RAPGEF2: variants seen among roughly 807,000 people sequenced by gnomAD.
RAPGEF2 encodes the protein PDZ domain containing guanine nucleotide exchange factor (GEF) 1.
Under a neutral mutation model 186.7 loss-of-function variants are expected in RAPGEF2, and 54 were observed. The observed-to-expected ratio is 0.29, with a 90% CI of 0.23 to 0.36. The LOEUF is 0.36. RAPGEF2 is among the 10% of genes least tolerant of loss of function. RAPGEF2 has a pLI of 1.00. For missense variants in RAPGEF2, 1,532 were observed against 2,045.0 expected, an observed-to-expected ratio of 0.75 and a Z score of 4.84; for synonymous variants, 712 against 705.9, an observed-to-expected ratio of 1.01 and a Z score of -0.14.
intron 1 of RAPGEF2, among the ~76,000 whole-genome samples, chr4:159,163,949 A>C (rs185010554): frequency 6.6e-6 from 1 of 152,356 alleles, no homozygotes; most frequent in Admixed American, 6.5e-5. Context: ...AGGTTTCATA[A>C]AATATGACTT....
In RAPGEF2 at chr4:159,353,472, CT is replaced by C. The variant is rs1420585162; in HGVS notation, c.4092-11del. 1 of 1,380,674 alleles carries C rather than the reference CT, an allele frequency of 7.2e-7. No individual in the cohort carries two copies. Among genetic ancestry groups the C allele is most frequent in the Non-Finnish European group, 9.4e-7 (1 of 1,059,440 alleles). 85.5% of individuals were successfully genotyped at this position (1,380,674 alleles called of 1,614,324 possible). ...CTTGTTTTTTTTTTCTTTTCCATTT[CT>C]TTTAACCACTTAGGTCCTATGCACC... is the stretch of plus-strand genomic sequence containing the variant. On this transcript the variant is annotated splice_polypyrimidine_tract_variant and intron_variant, in intron 27 of 29. Coordinates refer to ENST00000691494, the MANE Select transcript of RAPGEF2 (RefSeq NM_001394067.2). This position sits in a 1 kb window ranked among gnomAD's most constrained non-coding sequence, Gnocchi z 4.3.
intron 7 of RAPGEF2, chr4:159,267,883 G>T: frequency 8.9e-7 from 1 of 1,122,774 alleles, no homozygotes; most frequent in African/African-American, 1.6e-5. Flanking sequence ...AGAGCTGTGT[G>T]AGGTTTTCTC....
At chr4:159,304,127 G>C (rs1252139357) in intron 7 of RAPGEF2, among the ~76,000 whole-genome samples, 1 of 152,054 alleles carries the variant, frequency 6.6e-6, no homozygotes, top group Non-Finnish European at 1.5e-5. Flanking sequence ...ATTGAATTTA[G>C]TGTTATTTAA....
rs6839800 is a variant in RAPGEF2 at position 159,348,872 on chromosome 4, A to G, written c.3713-1265A>G. ...ACATACACATTTAAAGTCACAGTAT[A>G]TAAAATACTAATTTAGAGACACTAC... On this transcript the variant is annotated intron_variant, in intron 25 of 29. Transcript: ENST00000691494. Among the ~76,000 whole-genome samples, 607 of 152,346 alleles carry G rather than the reference A, an allele frequency of 4.0e-3. 5 individuals are homozygous for G. The highest frequency in any genetic ancestry group is 0.014 in the African/African-American group (577 of 41,580).
chr4:159,338,319 G>C lies in RAPGEF2; in HGVS notation c.2144G>C (p.Gly715Ala). The C allele has an allele frequency of 6.2e-7, 1 of 1,611,032 alleles. No individual in the cohort carries two copies. Among genetic ancestry groups the C allele is most frequent in the Non-Finnish European group, 8.5e-7 (1 of 1,178,504 alleles). ...TTTTCCTCTTTGTTCAGTGATATTG[G>C]GATTGGTCAGTCTCAAGATGACAGC... Reference protein sequence around the residue: ...ILPQKPYNDIGIGQSQDDSIV... With the variant: ...ILPQKPYNDIAIGQSQDDSIV... Residue 715 changes from glycine to alanine, a missense_variant, in exon 18 of 30, where the codon GGG becomes GCG. Gly to Ala is a moderately conservative substitution (Grantham distance 60). This residue lies in a region of RAPGEF2 where 810 missense variants were observed against 1,210.5 expected (regional missense o/e 0.67). Coordinates refer to ENST00000691494, the MANE Select transcript of RAPGEF2 (RefSeq NM_001394067.2).
intron 1 of RAPGEF2, among the ~76,000 whole-genome samples, chr4:159,134,637 A>C (rs1021938893): frequency 6.6e-6 from 1 of 152,226 alleles, no homozygotes; most frequent in African/African-American, 2.4e-5. Flanking sequence ...GTCAGCACTT[A>C]CACGTGTCAG....
At chr4:159,345,032 G>A in intron 23 of RAPGEF2, 74 bp from the exon 24 acceptor site, 1 of 1,264,208 alleles carries the variant, frequency 7.9e-7, no homozygotes, top group Non-Finnish European at 1.1e-6. Flanking sequence ...ATTAATATCA[G>A]TCTTGGCACA....
At position 159,343,017 on chromosome 4, in the gene RAPGEF2, C is replaced by T. The variant is rs1729775670; in HGVS notation, c.2957C>T (p.Thr986Ile). The change falls in exon 21 of 30, where the codon ACC (threonine) becomes ATC (isoleucine). Residue 986 changes from threonine to isoleucine, a missense_variant. By Grantham distance (89) the Thr-to-Ile change is moderately conservative (BLOSUM62 -1). Around this residue, in one of 4 missense-constraint regions of RAPGEF2, gnomAD observed 810 missense variants for 1,210.5 expected, o/e 0.67. Coordinates refer to ENST00000691494, the MANE Select transcript of RAPGEF2 (RefSeq NM_001394067.2). ...NLAPVARLRT[T>I]WEKLPNKYEK... The stretch of plus-strand genomic sequence containing the variant: ...GCACCAGTGGCAAGACTGCGAACGA[C>T]CTGGGAGAAACTTCCCAATAAATAC... The T allele has an allele frequency of 6.2e-7, 1 of 1,613,918 alleles. No homozygotes were observed. Among genetic ancestry groups the T allele is most frequent in the Non-Finnish European group, 8.5e-7 (1 of 1,179,958 alleles).
intron 3 of RAPGEF2, among the ~76,000 whole-genome samples, chr4:159,202,443 A>G (rs1749536747): frequency 6.6e-6 from 1 of 152,136 alleles, no homozygotes; most frequent in Non-Finnish European, 1.5e-5. Flanking sequence ...AAAACCCCCC[A>G]AAACTTAGAT....
At chr4:159,161,194 C>A (rs1744671297) in intron 1 of RAPGEF2, among the ~76,000 whole-genome samples, 1 of 152,062 alleles carries the variant, frequency 6.6e-6, no homozygotes, top group African/African-American at 2.4e-5. Context: ...AATTTGTTTT[C>A]AGAAATTAAA....
intron 4 of RAPGEF2, 25 bp downstream of exon 4, chr4:159,210,608 G>A (rs942119036): frequency 2.1e-6 from 3 of 1,446,674 alleles, no homozygotes; most frequent in Non-Finnish European, 2.8e-6. Context: ...TTCTGTAATA[G>A]ATTATCCATG....
intron 7 of RAPGEF2, chr4:159,267,002 ATGAG>A: frequency 3.2e-6 from 1 of 311,264 alleles, no homozygotes; most frequent in South Asian, 3.3e-5. Context: ...TGCTACCTTA[ATGAG>A]TGAAATGGTT....
chr4:159,247,751 GTTTCT>G (rs1754805419), intron 7 of RAPGEF2, among the ~76,000 whole-genome samples: 7 of 105,738 alleles, frequency 6.6e-5, no homozygotes, highest in African/African-American at 2.7e-4. Context: ...GAAATAATTT[GTTTCT>G]TTTTTTTTTT....
intron 1 of RAPGEF2, among the ~76,000 whole-genome samples, chr4:159,111,892 A>G (rs965660278): frequency 5.3e-5 from 8 of 152,204 alleles, no homozygotes; most frequent in African/African-American, 1.9e-4. Flanking sequence ...CTGTAGTGTA[A>G]TATCACAATC....
At chr4:159,262,557 G>A (rs1198307293) in intron 7 of RAPGEF2, among the ~76,000 whole-genome samples, 2 of 152,188 alleles carry the variant, frequency 1.3e-5, no homozygotes, top group Non-Finnish European at 2.9e-5. Context: ...AGTAAGCTTT[G>A]TTAAATCTGC....
At chr4:159,128,435 T>G (rs1298614578) in intron 1 of RAPGEF2, among the ~76,000 whole-genome samples, 1 of 152,164 alleles carries the variant, frequency 6.6e-6, no homozygotes, top group Non-Finnish European at 1.5e-5. Context: ...TCTACATGAA[T>G]GTAAAGTATT....
At chr4:159,338,561 A>G (rs17304561) in intron 18 of RAPGEF2, 93 bp downstream of exon 18, 161,192 of 1,289,388 alleles carry the variant, frequency 0.13, 10,598 homozygotes, top group Admixed American at 0.2. Flanking sequence ...TTCATTTGGC[A>G]TGGATTATAT....
chr4:159,261,978 A>T (rs1261514824), intron 7 of RAPGEF2, among the ~76,000 whole-genome samples: 1 of 152,140 alleles, frequency 6.6e-6, no homozygotes, highest in African/African-American at 2.4e-5. Flanking sequence ...CTTTTTGCCT[A>T]TCAAATTATT....
chr4:159,156,288 T>C (rs930833597), intron 1 of RAPGEF2, among the ~76,000 whole-genome samples: 1 of 152,226 alleles, frequency 6.6e-6, no homozygotes. Context: ...GAAATTGTTT[T>C]ATATATTTTA....
Sources: gnomAD v4.1 joint callset for allele counts (sites outside exome capture counted in the v4.1 genomes callset) on GRCh38, gnomAD v4.1.1 for gene constraint, gnomAD v4.1.1 regional missense constraint, Gnocchi (gnomAD v3.1) non-coding constraint, MANE v1.5 for transcripts, NCBI Gene and HGNC (gene_info 2026-07-23, HGNC 2026-07-21) for gene names.